Variants in SIK3 observed in about 807,000 individuals in gnomAD.
SIK3 encodes serine/threonine-protein kinase SIK3.
In SIK3, 28 loss-of-function variants were observed where a neutral mutation model predicts 144.2. That is an observed-to-expected ratio of 0.19 (90% confidence interval 0.14 to 0.27). SIK3 has a LOEUF of 0.27. SIK3 is among the 10% of genes least tolerant of loss of function. The pLI, the probability that SIK3 is intolerant of heterozygous loss-of-function variation, is 1.00. For missense variants in SIK3, 1,319 were observed against 1,776.0 expected (o/e 0.74, Z 4.62); for synonymous variants, 686 against 676.3 (o/e 1.01, Z -0.22).
At chr11:117,050,171 C>A (rs1481410812) in intron 1 of SIK3, among the ~76,000 whole-genome samples, 1 of 151,898 alleles carries the variant, frequency 6.6e-6, no homozygotes, top group African/African-American at 2.4e-5. Context: ...CACCTATAAT[C>A]CCAGCTACTT....
At position 116,877,529 on chromosome 11, in the gene SIK3, G is replaced by C. The variant is rs562704128; in HGVS notation, c.866-487C>G. On this transcript the variant is annotated intron_variant, in intron 6 of 24. Transcript: ENST00000445177. ...GGAACTTGAATTTCTGATGGCACAA[G>C]GTGTGTGGGGAGAGAGCCACAGGCT... is the stretch of plus-strand genomic sequence containing the variant. Among the ~76,000 whole-genome samples the C allele has an allele frequency of 3.9e-5, 6 of 152,296 alleles. No individual in the cohort carries two copies. In the South Asian group the frequency reaches 1.0e-3, roughly 26 times the overall value.
rs145699831 is a variant in SIK3, at chr11:116,875,424, T to C, written c.1267A>G (p.Ile423Val). ...ATCAGCTGCACCTGGGGAACGCTGA[T>C]GTTCATAGCAGTACCTGCCTGCTCC... is the stretch of plus-strand genomic sequence containing the variant. Reference protein sequence around the residue: ...QAEQAGTAMNISVPQVQLINP... With the variant: ...QAEQAGTAMNVSVPQVQLINP... The change falls in exon 10 of 25, where the codon ATC (isoleucine) becomes GTC (valine). Residue 423 changes from isoleucine to valine, a missense_variant. Physicochemically the swap from Ile to Val is conservative, Grantham distance 29. Transcript: ENST00000445177. 4.8e-5 allele frequency: 77 copies of C among 1,614,126 alleles called. No individual in the cohort carries two copies. The highest frequency in any genetic ancestry group is 2.7e-4 in the South Asian group (25 of 91,088).
At chr11:116,941,314 C>A (rs1178426833) in intron 3 of SIK3, among the ~76,000 whole-genome samples, 5 of 150,898 alleles carry the variant, frequency 3.3e-5, no homozygotes, top group Non-Finnish European at 7.4e-5. Context: ...CCGAAAATAC[C>A]TTTTTTAATA....
chr11:117,041,719 A>G (rs1264596975), intron 1 of SIK3, among the ~76,000 whole-genome samples: 1 of 152,172 alleles, frequency 6.6e-6, no homozygotes, highest in Non-Finnish European at 1.5e-5. Context: ...TAAACCAACT[A>G]AAGGAGTTCT....
Position 116,846,664 on chromosome 11 carries a change from A to T in SIK3, c.3953-111T>A. On this transcript the variant is annotated intron_variant, in intron 23 of 24. Transcript: ENST00000445177. This position sits in a 1 kb window ranked among gnomAD's most constrained non-coding sequence, Gnocchi z 4.1. ...AACCTGTCGAGCATCCCACAGCCTG[A>T]CTCCCAGCCCTGAATTCTAGCTCAC... 8.1e-7 allele frequency: 1 copy of T among 1,234,656 alleles called. No homozygotes were observed. 76.5% of individuals were successfully genotyped at this position (1,234,656 alleles called of 1,614,324 possible). A position where few individuals can be genotyped will look rare whatever the true frequency, so the allele number is the denominator to read the frequency against.
rs968809962 is a variant in SIK3, at chr11:116,946,296, A to G, written c.454+7748T>C. ...ACCATTTCTGCAAGCTAATAACTCAACCTGCCACAATTACATGGGTGATGG... is the reference window on the plus strand; with the variant it reads ...ACCATTTCTGCAAGCTAATAACTCAGCCTGCCACAATTACATGGGTGATGG... On this transcript the variant is annotated intron_variant, in intron 3 of 24. Transcript: ENST00000445177. Among the ~76,000 whole-genome samples, 5 of 151,896 alleles carry G rather than the reference A, an allele frequency of 3.3e-5. No homozygotes were observed. In the South Asian group the frequency reaches 1.0e-3, roughly 32 times the overall value.
intron 1 of SIK3, among the ~76,000 whole-genome samples, chr11:117,077,637 T>G (rs1954610275): frequency 6.6e-6 from 1 of 152,118 alleles, no homozygotes; most frequent in Non-Finnish European, 1.5e-5. Context: ...AGATAATATC[T>G]ACTAATAAGC....
At chr11:116,889,245 G>A (rs903477900) in intron 6 of SIK3, among the ~76,000 whole-genome samples, 3 of 152,146 alleles carry the variant, frequency 2.0e-5, no homozygotes, top group African/African-American at 7.2e-5. Flanking sequence ...ATATAGTTAT[G>A]TAGCTCAAAT....
At chr11:117,031,366 CTTTTTTT>C (rs778165535) in intron 1 of SIK3, among the ~76,000 whole-genome samples, 1 of 139,604 alleles carries the variant, frequency 7.2e-6, no homozygotes, top group African/African-American at 2.6e-5. Context: ...TCCTTTTTTC[CTTTTTTT>C]TTTTTTGTCT....
rs549741618 is a variant in SIK3, at chr11:117,028,787, T to C, written c.273+69356A>G. Among the ~76,000 whole-genome samples, 4 of 152,216 alleles carry C rather than the reference T, an allele frequency of 2.6e-5. No homozygotes were observed. The East Asian group carries it at 7.7e-4, about 29-fold the overall frequency. ...AGGAAGGAAATCAAGACCAGGCTCATGGGTGCCATGCTACAGAGAACAGGC... is the reference window on the plus strand; with the variant it reads ...AGGAAGGAAATCAAGACCAGGCTCACGGGTGCCATGCTACAGAGAACAGGC... On this transcript the variant is annotated intron_variant, in intron 1 of 24. Coordinates refer to ENST00000445177, the MANE Select transcript of SIK3 (RefSeq NM_001366686.3).
At position 116,861,286 on chromosome 11, in the gene SIK3, T is replaced by C; in HGVS notation, c.2413A>G (p.Ile805Val). ...CCTCTCCACTCACCGTGAGGCTGGA[T>C]CATGGCACTGCTCATGGGGGGAGGA... is the stretch of plus-strand genomic sequence containing the variant. ...NSPPPMSSAM[I>V]QPHGAASSSQ... The change falls in exon 19 of 25, where the codon ATC becomes GTC. Residue 805 changes from isoleucine to valine, a missense_variant. By Grantham distance (29) the Ile-to-Val change is conservative. Transcript: ENST00000445177. 1 of 1,594,056 alleles carries C rather than the reference T, an allele frequency of 6.3e-7. No individual in the cohort carries two copies. Among genetic ancestry groups the C allele is most frequent in the Non-Finnish European group, 8.5e-7 (1 of 1,173,704 alleles).
At chr11:116,957,616 G>A (rs1312218695) in intron 1 of SIK3, among the ~76,000 whole-genome samples, 1 of 152,082 alleles carries the variant, frequency 6.6e-6, no homozygotes, top group Admixed American at 6.6e-5. Context: ...TACCATATAC[G>A]AAATGTTTAC....
intron 1 of SIK3, among the ~76,000 whole-genome samples, chr11:117,052,577 G>C (rs569720061): frequency 6.6e-6 from 1 of 152,154 alleles, no homozygotes; most frequent in Non-Finnish European, 1.5e-5. Context: ...TTTATAAGAA[G>C]AAAGTGGAAA....
chr11:116,927,276 G>A lies in SIK3; in HGVS notation c.559C>T (p.Arg187Cys), dbSNP rs1565460853. The A allele has an allele frequency of 6.2e-7, 1 of 1,613,852 alleles. No homozygotes were observed. The highest frequency in any genetic ancestry group is 8.5e-7 in the Non-Finnish European group (1 of 1,179,846). ...YFCHCRNIVH[R>C]DLKAENLLLD... ...AGTAAATTTTCAGCTTTTAAATCACGATGAACAATGTTCCGACAGTGACAA... is the reference window on the plus strand; with the variant it reads ...AGTAAATTTTCAGCTTTTAAATCACAATGAACAATGTTCCGACAGTGACAA... The change falls in exon 4 of 25, where the codon CGT (arginine) becomes TGT (cysteine). Residue 187 changes from arginine (R) to cysteine (C), a missense_variant. Physicochemically the swap from Arg to Cys is radical, Grantham distance 180. Transcript: ENST00000445177.
rs1241640141 is a variant in SIK3 at position 116,896,245 on chromosome 11, T to TC, written c.865+7dup. ...CCATTCATAGCTGTGTGCTAGCGAC[T>TC]CCCTTACCTGTGGACATAAAAAATG... On this transcript the variant is annotated splice_region_variant and intron_variant, in intron 6 of 24. Coordinates refer to ENST00000445177, the MANE Select transcript of SIK3 (RefSeq NM_001366686.3). 6.2e-7 allele frequency: 1 copy of TC among 1,613,256 alleles called. No homozygotes were observed. The highest frequency in any genetic ancestry group is 1.3e-5 in the African/African-American group (1 of 75,024).
At chr11:116,968,242 G>C (rs963601556) in intron 1 of SIK3, among the ~76,000 whole-genome samples, 1 of 151,906 alleles carries the variant, frequency 6.6e-6, no homozygotes, top group African/African-American at 2.4e-5. Flanking sequence ...TCCTGGGTTC[G>C]GGCAATTCTC....
chr11:116,855,945 C>A (rs1233197875), intron 21 of SIK3, among the ~76,000 whole-genome samples: 2 of 152,216 alleles, frequency 1.3e-5, no homozygotes, highest in Non-Finnish European at 2.9e-5. Flanking sequence ...TGCCTGTAAT[C>A]CCAGCACTTT....
intron 4 of SIK3, among the ~76,000 whole-genome samples, chr11:116,906,969 C>T (rs932380757): frequency 6.6e-6 from 1 of 152,178 alleles, no homozygotes; most frequent in Non-Finnish European, 1.5e-5. Context: ...GTGGCAAGAG[C>T]CCTGGAGGGA....
intron 1 of SIK3, among the ~76,000 whole-genome samples, chr11:117,080,278 T>C (rs973901302): frequency 3.7e-4 from 56 of 152,184 alleles, no homozygotes; most frequent in African/African-American, 1.4e-3. Flanking sequence ...TCATACACTC[T>C]CAAGCTGAGT....
Sources: allele counts gnomAD v4.1 joint callset (sites outside exome capture counted in the v4.1 genomes callset), GRCh38; gene constraint gnomAD v4.1.1; non-coding constraint Gnocchi (gnomAD v3.1); transcripts MANE v1.5; gene names NCBI Gene and HGNC (gene_info 2026-07-23, HGNC 2026-07-21).